Variants in NRXN1 observed in about 807,000 individuals in gnomAD.
The protein encoded by NRXN1 is neurexin 1, also known as neurexin-1.
A neutral mutation model predicts 150.9 loss-of-function variants in NRXN1; 39 were observed. The observed-to-expected ratio is 0.26, with a 90% CI of 0.20 to 0.34. The LOEUF (loss-of-function observed/expected upper bound fraction) is 0.34. Among genes scored for constraint, NRXN1 ranks in the 10% least tolerant of loss-of-function variants. The pLI is 1.00. For synonymous variants in NRXN1, 924 were observed against 757.0 expected, an observed-to-expected ratio of 1.22 and a Z score of -3.62; for missense variants, 1,815 against 1,949.9, an observed-to-expected ratio of 0.93 and a Z score of 1.30.
intron 5 of NRXN1, among the ~76,000 whole-genome samples, chr2:50,882,769 C>A (rs924952315): frequency 2.6e-5 from 4 of 151,660 alleles, no homozygotes; most frequent in African/African-American, 9.7e-5. Flanking sequence ...TTATTATGTA[C>A]CTTTAATAAT....
At chr2:50,654,444 C>G (rs539213476) in intron 5 of NRXN1, among the ~76,000 whole-genome samples, 1 of 151,932 alleles carries the variant, frequency 6.6e-6, no homozygotes, top group Admixed American at 6.6e-5. Flanking sequence ...GGACATTTGG[C>G]TTGGTTCCAA....
intron 8 of NRXN1, among the ~76,000 whole-genome samples, chr2:50,587,264 C>T (rs1301810958): frequency 6.6e-6 from 1 of 152,300 alleles, no homozygotes; most frequent in South Asian, 2.1e-4. Context: ...GTGGGCAGAT[C>T]ACTTGAGAAC....
chr2:50,762,318 T>G (rs1223008497), intron 5 of NRXN1, among the ~76,000 whole-genome samples: 2 of 151,860 alleles, frequency 1.3e-5, no homozygotes, highest in African/African-American at 4.8e-5. Flanking sequence ...TAAGAGGTCA[T>G]GTACTTTTTT....
intron 2 of NRXN1, among the ~76,000 whole-genome samples, chr2:50,992,801 T>G (rs1460624281): frequency 2.6e-5 from 4 of 151,948 alleles, no homozygotes; most frequent in African/African-American, 9.7e-5. Context: ...GGGGAGAGAA[T>G]AGTTTATGCA....
At chr2:50,148,465 AC>A (rs2058496972) in intron 18 of NRXN1, among the ~76,000 whole-genome samples, 1 of 151,590 alleles carries the variant, frequency 6.6e-6, no homozygotes, top group African/African-American at 2.4e-5. Context: ...GCAAAAAAAA[AC>A]AAAGTCTAAT....
At chr2:51,005,645 A>G (rs905398392) in intron 2 of NRXN1, among the ~76,000 whole-genome samples, 1 of 151,972 alleles carries the variant, frequency 6.6e-6, no homozygotes, top group Non-Finnish European at 1.5e-5. Flanking sequence ...ACAAAGGAGA[A>G]AGAAAAAGGA....
chr2:50,020,771 A>C (rs1446240325), intron 21 of NRXN1, among the ~76,000 whole-genome samples: 1 of 152,152 alleles, frequency 6.6e-6, no homozygotes, highest in Non-Finnish European at 1.5e-5. Flanking sequence ...TCTCTTTAAA[A>C]AGTATTTTGA....
Position 49,944,722 on chromosome 2 carries a change from CAG to C in NRXN1, c.4129-933_4129-932del, listed in dbSNP as rs199943896. 1.2e-3 allele frequency among the ~76,000 whole-genome samples: 189 copies of C among 152,260 alleles called. 2 individuals carry two copies. In the East Asian group the frequency reaches 0.015, roughly 12 times the overall value. On this transcript the variant is annotated intron_variant, in intron 21 of 22. Coordinates refer to ENST00000401669, the MANE Select transcript of NRXN1 (RefSeq NM_001330078.2). ...CAGAGTTGGCTCTGCTAAGGTAAAA[CAG>C]AGAATCCAATGTATACAAATAAATA...
chr2:50,298,446 A>G (rs1184147571), intron 17 of NRXN1, among the ~76,000 whole-genome samples: 2 of 152,010 alleles, frequency 1.3e-5, no homozygotes, highest in Non-Finnish European at 2.9e-5. Context: ...TTCATGAAAG[A>G]CCTCCTAAAA....
intron 2 of NRXN1, among the ~76,000 whole-genome samples, chr2:50,935,730 C>T (rs1292298925): frequency 6.8e-6 from 1 of 146,486 alleles, no homozygotes; most frequent in Non-Finnish European, 1.5e-5. Flanking sequence ...GTCTCAAAAA[C>T]AAAAAAGTAA....
At chr2:50,953,022 A>G (rs1215829844) in intron 2 of NRXN1, among the ~76,000 whole-genome samples, 1 of 152,192 alleles carries the variant, frequency 6.6e-6, no homozygotes, top group Non-Finnish European at 1.5e-5. Context: ...AGAAAATACT[A>G]AGAGAGAGGA....
At chr2:50,312,790 A>C (rs1204409203) in intron 17 of NRXN1, 1 of 511,692 alleles carries the variant, frequency 2.0e-6, no homozygotes, top group African/African-American at 1.9e-5. Flanking sequence ...CACCAGCTAA[A>C]AATAAACAAA....
chr2:50,787,372 C>G (rs758165028), intron 5 of NRXN1, among the ~76,000 whole-genome samples: 47 of 151,990 alleles, frequency 3.1e-4, no homozygotes, highest in Admixed American at 7.2e-4. Context: ...CCAGCCTTGA[C>G]TATGTGGTGA....
chr2:49,966,513 ATTTC>A (rs1676989468), intron 21 of NRXN1: 1 of 128,818 alleles, frequency 7.8e-6, no homozygotes, highest in Non-Finnish European at 1.6e-5. Flanking sequence ...TCTTTAAAGC[ATTTC>A]TTTTTTTTTT....
At chr2:50,076,646 G>T (rs1697144044) in intron 19 of NRXN1, among the ~76,000 whole-genome samples, 1 of 152,140 alleles carries the variant, frequency 6.6e-6, no homozygotes, top group Admixed American at 6.5e-5. Flanking sequence ...CACTTAACTT[G>T]CATTAAGTTT....
chr2:50,529,171 TAAA>T (rs1352063800), intron 11 of NRXN1, among the ~76,000 whole-genome samples: 2 of 152,220 alleles, frequency 1.3e-5, no homozygotes, highest in African/African-American at 4.8e-5. Flanking sequence ...GTTTTGTTTT[TAAA>T]TTTTATTTGC....
chr2:50,394,755 A>C (rs1462918060), intron 17 of NRXN1, among the ~76,000 whole-genome samples: 3 of 152,052 alleles, frequency 2.0e-5, no homozygotes, highest in Non-Finnish European at 4.4e-5. Flanking sequence ...TAACACACTT[A>C]GGGTAAAATT....
At chr2:50,064,677 T>C (rs1695094174) in intron 19 of NRXN1, among the ~76,000 whole-genome samples, 1 of 152,198 alleles carries the variant, frequency 6.6e-6, no homozygotes, top group Non-Finnish European at 1.5e-5. Flanking sequence ...ATTAATCTTT[T>C]ACTAAATTGA....
chr2:50,073,185 T>G (rs561479810), intron 19 of NRXN1, among the ~76,000 whole-genome samples: 10 of 152,248 alleles, frequency 6.6e-5, no homozygotes, highest in African/African-American at 2.2e-4. Context: ...CTCCAGACAT[T>G]TGCAGACATT....
Sources: gnomAD v4.1 joint callset for allele counts (sites outside exome capture counted in the v4.1 genomes callset) on GRCh38, gnomAD v4.1.1 for gene constraint, MANE v1.5 for transcripts, NCBI Gene and HGNC (gene_info 2026-07-23, HGNC 2026-07-21) for gene names.